Variants in CLOCK observed in about 807,000 individuals in gnomAD.
CLOCK encodes the protein circadian locomoter output cycles protein kaput.
In CLOCK, 43 loss-of-function variants were observed where a neutral mutation model predicts 118.4. The observed-to-expected ratio is 0.36, with a 90% CI of 0.28 to 0.47. The LOEUF (loss-of-function observed/expected upper bound fraction) is 0.47. Ranked by LOEUF, CLOCK falls within the 20% of genes least tolerant of loss-of-function variation. The pLI, the probability that CLOCK is intolerant of heterozygous loss-of-function variation, is 1.00. For synonymous variants in CLOCK, 326 were observed against 339.2 expected (o/e 0.96, Z 0.43); for missense variants, 846 against 999.9 (o/e 0.85, Z 2.08).
chr4:55,518,380 C>T (rs1313043806), intron 1 of CLOCK, among the ~76,000 whole-genome samples: 3 of 152,180 alleles, frequency 2.0e-5, no homozygotes, highest in African/African-American at 4.8e-5. Context: ...GATTTTCCCA[C>T]AGGGTATTAA....
At chr4:55,436,218 A>AAT (rs1483643770) in intron 22 of CLOCK, among the ~76,000 whole-genome samples, 1 of 152,208 alleles carries the variant, frequency 6.6e-6, no homozygotes, top group Non-Finnish European at 1.5e-5. Context: ...AAGCATCATA[A>AAT]ATATGAAGGC....
At chr4:55,502,834 G>A (rs1728527057) in intron 2 of CLOCK, among the ~76,000 whole-genome samples, 1 of 152,032 alleles carries the variant, frequency 6.6e-6, no homozygotes, top group Non-Finnish European at 1.5e-5. Context: ...AGAAAAATCA[G>A]CAAAAGACAT....
At chr4:55,460,277 T>C (rs1346877194) in intron 9 of CLOCK, among the ~76,000 whole-genome samples, 3 of 152,214 alleles carry the variant, frequency 2.0e-5, no homozygotes, top group Non-Finnish European at 4.4e-5. Flanking sequence ...ATTTTCATAC[T>C]AGGGGTTTTC....
At chr4:55,531,447 C>G (rs974657963) in intron 1 of CLOCK, among the ~76,000 whole-genome samples, 1 of 152,026 alleles carries the variant, frequency 6.6e-6, no homozygotes, top group African/African-American at 2.4e-5. Context: ...TGGCTCATAT[C>G]TGTAATCCCA....
intron 7 of CLOCK, among the ~76,000 whole-genome samples, chr4:55,474,826 T>G (rs1413327993): frequency 6.6e-6 from 1 of 152,152 alleles, no homozygotes. Context: ...GTCAGAAAAA[T>G]AGATTTCTTT....
At chr4:55,455,698 C>T (rs949243675) in intron 13 of CLOCK, among the ~76,000 whole-genome samples, 199 bp downstream of exon 13, 6 of 152,146 alleles carry the variant, frequency 3.9e-5, no homozygotes, top group African/African-American at 1.4e-4. Flanking sequence ...TAAAATTCTA[C>T]TTATTATAAA....
At chr4:55,525,701 C>G (rs1354956853) in intron 1 of CLOCK, among the ~76,000 whole-genome samples, 1 of 151,960 alleles carries the variant, frequency 6.6e-6, no homozygotes, top group East Asian at 1.9e-4. Flanking sequence ...AACTCTTGGC[C>G]TAAAGTGATC....
intron 13 of CLOCK, 24 bp from the exon 14 acceptor site, chr4:55,453,848 T>C: frequency 6.5e-7 from 1 of 1,539,184 alleles, no homozygotes; most frequent in Non-Finnish European, 8.9e-7. Flanking sequence ...AGAGAAATAT[T>C]TTTTCTTTAA....
intron 2 of CLOCK, among the ~76,000 whole-genome samples, chr4:55,509,207 C>T (rs569964090): frequency 9.2e-5 from 14 of 152,302 alleles, no homozygotes; most frequent in South Asian, 2.1e-4. Flanking sequence ...GGACCACTGT[C>T]GTATATTTGG....
chr4:55,504,217 TG>T, intron 2 of CLOCK, among the ~76,000 whole-genome samples: 1 of 128,226 alleles, frequency 7.8e-6, no homozygotes, highest in East Asian at 2.3e-4. Context: ...ACCCGAGAGG[TG>T]GAGCTTGCAG....
At chr4:55,504,780 A>G (rs777885228) in intron 2 of CLOCK, among the ~76,000 whole-genome samples, 7 of 152,214 alleles carry the variant, frequency 4.6e-5, no homozygotes, top group Non-Finnish European at 1.0e-4. Flanking sequence ...TCATCTTTGC[A>G]TTGTATTTTT....
chr4:55,453,292 T>C, intron 14 of CLOCK, 163 bp from the exon 15 acceptor site: 1 of 617,820 alleles, frequency 1.6e-6, no homozygotes. Flanking sequence ...TAATTTAACT[T>C]GCATTTTTCT....
chr4:55,460,236 TACTG>T (rs1725232440), intron 9 of CLOCK, among the ~76,000 whole-genome samples: 2 of 152,212 alleles, frequency 1.3e-5, no homozygotes, highest in South Asian at 2.1e-4. Flanking sequence ...CTTCCCACCT[TACTG>T]ACTATTCCTA....
intron 1 of CLOCK, among the ~76,000 whole-genome samples, chr4:55,530,759 A>G (rs1422983272): frequency 3.0e-5 from 3 of 100,980 alleles, no homozygotes; most frequent in Non-Finnish European, 5.9e-5. Context: ...TGGGAAAAAG[A>G]GCAAGACTCC....
At chr4:55,454,893 G>A (rs1269826947) in intron 13 of CLOCK, among the ~76,000 whole-genome samples, 1 of 138,174 alleles carries the variant, frequency 7.2e-6, no homozygotes, top group African/African-American at 2.7e-5. Context: ...ACTCTCTAAG[G>A]AGGAAATCAA....
At chr4:55,498,693 A>G (rs897901014) in intron 2 of CLOCK, among the ~76,000 whole-genome samples, 3 of 152,062 alleles carry the variant, frequency 2.0e-5, no homozygotes, top group African/African-American at 2.4e-5. Flanking sequence ...GGCCAAGACC[A>G]TATCTCAATC....
chr4:55,473,871 C>T (rs1726313003), intron 7 of CLOCK, among the ~76,000 whole-genome samples: 1 of 152,228 alleles, frequency 6.6e-6, no homozygotes, highest in Non-Finnish European at 1.5e-5. Context: ...TGTGTGTGCT[C>T]TGACTGCTCC....
At chr4:55,451,373 T>C (rs1347373675) in intron 15 of CLOCK, among the ~76,000 whole-genome samples, 1 of 152,220 alleles carries the variant, frequency 6.6e-6, no homozygotes, top group Admixed American at 6.5e-5. Flanking sequence ...CCTGGTTTTA[T>C]TCCTAACTTA....
intron 3 of CLOCK, among the ~76,000 whole-genome samples, chr4:55,487,275 G>A (rs2109932654): frequency 6.6e-6 from 1 of 152,204 alleles, no homozygotes; most frequent in South Asian, 2.1e-4. Flanking sequence ...TTCCTCAGCT[G>A]TCTACTGATC....
Sources: allele counts gnomAD v4.1 joint callset (sites outside exome capture counted in the v4.1 genomes callset), GRCh38; gene constraint gnomAD v4.1.1; transcripts MANE v1.5; gene names NCBI Gene and HGNC (gene_info 2026-07-23, HGNC 2026-07-21).